The following LRRC75A variants were observed in gnomAD, a reference collection of about 807,000 sequenced individuals.
The protein encoded by LRRC75A is leucine rich repeat containing 75A, also known as leucine-rich repeat-containing protein 75A.
In LRRC75A, 12 loss-of-function variants were observed where a neutral mutation model predicts 26.0. The ratio of observed to expected loss-of-function variants is 0.46; its 90% CI spans 0.30 to 0.75. The LOEUF is 0.75. Ranked by LOEUF, LRRC75A falls within the 30% of genes least tolerant of loss-of-function variation. LRRC75A has a pLI of 0.08. For synonymous variants in LRRC75A, 223 were observed against 219.3 expected, an observed-to-expected ratio of 1.02 and a Z score of -0.15; for missense variants, 410 against 486.6, an observed-to-expected ratio of 0.84 and a Z score of 1.48.
rs1481853828 is a variant in LRRC75A at position 16,492,148 on chromosome 17, G to C, written c.-158C>G. ...CGCGGGGGCGGGCGGGCGGGCGGCTGTCGGCGCTCCCCGCGCTCCTCCCTC... is the reference window on the plus strand; with the variant it reads ...CGCGGGGGCGGGCGGGCGGGCGGCTCTCGGCGCTCCCCGCGCTCCTCCCTC... On this transcript the variant is annotated 5_prime_UTR_variant, in exon 1 of 4. Coordinates refer to ENST00000470794, the MANE Select transcript of LRRC75A (RefSeq NM_001113567.3). 55 of 505,324 alleles carry C rather than the reference G, an allele frequency of 1.1e-4. 1 individual carries two copies. The East Asian group carries it at 5.5e-3, about 50-fold the overall frequency. The allele number at this position is 505,324 out of a possible 1,614,324, so 31.3% of individuals were successfully genotyped here. A position where few individuals can be genotyped will look rare whatever the true frequency, so the allele number is the denominator to read the frequency against.
chr17:16,485,775 C>T (rs1346251168), intron 1 of LRRC75A, among the ~76,000 whole-genome samples: 2 of 151,972 alleles, frequency 1.3e-5, no homozygotes, highest in East Asian at 3.9e-4. Context: ...AGATGGCTGG[C>T]TGAGGATCCC....
chr17:16,471,610 A>T (rs887181255), intron 1 of LRRC75A, among the ~76,000 whole-genome samples: 3 of 152,218 alleles, frequency 2.0e-5, no homozygotes, highest in Non-Finnish European at 4.4e-5. Context: ...CTCTGTGGGT[A>T]CACTCTCCTT....
intron 3 of LRRC75A, chr17:16,447,023 T>G (rs2093592195): frequency 3.7e-6 from 1 of 268,300 alleles, no homozygotes; most frequent in African/African-American, 2.4e-5. Flanking sequence ...TTCCCCAGCC[T>G]GCAGGGACCT....
chr17:16,452,500 C>T (rs1036007916), intron 2 of LRRC75A, among the ~76,000 whole-genome samples: 3 of 151,550 alleles, frequency 2.0e-5, no homozygotes, highest in Non-Finnish European at 4.4e-5. Flanking sequence ...TGCAGTGGCG[C>T]GGTCTTGGCT....
At chr17:16,489,873 C>A (rs573884175) in intron 1 of LRRC75A, among the ~76,000 whole-genome samples, 132 of 152,292 alleles carry the variant, frequency 8.7e-4, no homozygotes, top group Non-Finnish European at 1.2e-3. Flanking sequence ...CTCCCACCCC[C>A]CCATCAGCCC....
intron 1 of LRRC75A, among the ~76,000 whole-genome samples, chr17:16,485,958 G>T (rs1223806054): frequency 6.6e-6 from 1 of 152,160 alleles, no homozygotes; most frequent in Admixed American, 6.5e-5. Flanking sequence ...TTACAGCGGG[G>T]TGGGGGAATA....
rs778298316 is a variant in LRRC75A at position 16,491,857 on chromosome 17, C to T, written c.134G>A (p.Gly45Asp). 1.5e-4 allele frequency: 206 copies of T among 1,392,558 alleles called. 4 individuals are homozygous for T. The South Asian group carries it at 3.0e-3, about 20-fold the overall frequency. The allele number at this position is 1,392,558 out of a possible 1,614,324, so 86.3% of individuals were successfully genotyped here. Reference sequence around the variant, plus strand: ...CCGGTGGTAGGGGGGCATCCCCGCGCCCGCGCGCCCCGCCTTGTCCCCGGC... The same window carrying T: ...CCGGTGGTAGGGGGGCATCCCCGCGTCCGCGCGCCCCGCCTTGTCCCCGGC... ...LRAGDKAGRA[G>D]AGMPPYHRRV... The change falls in exon 1 of 4, where the codon GGC becomes GAC. Residue 45 changes from glycine (G) to aspartate (D), a missense_variant. Physicochemically the swap from Gly to Asp is moderately conservative, Grantham distance 94. Transcript: ENST00000470794. This position sits in a 1 kb window ranked among gnomAD's most constrained non-coding sequence, Gnocchi z 5.9.
intron 2 of LRRC75A, chr17:16,448,309 G>T: frequency 3.0e-6 from 1 of 330,530 alleles, no homozygotes; most frequent in Non-Finnish European, 5.9e-6. Flanking sequence ...GCCGCTCTGT[G>T]CATTCTCTTG....
chr17:16,468,631 A>T (rs1360257953), intron 1 of LRRC75A, among the ~76,000 whole-genome samples: 2 of 152,270 alleles, frequency 1.3e-5, no homozygotes, highest in African/African-American at 4.8e-5. Flanking sequence ...TCTGGAGATC[A>T]GCTGCACAGT....
chr17:16,485,295 C>A (rs1417818488), intron 1 of LRRC75A, among the ~76,000 whole-genome samples: 1 of 152,202 alleles, frequency 6.6e-6, no homozygotes, highest in African/African-American at 2.4e-5. Flanking sequence ...TCCTAACCCC[C>A]AAGGTGATGG....
rs1249498626 is a variant in LRRC75A at position 16,491,695 on chromosome 17, A to G, written c.246+50T>C. ...AGGGATGGGGCGCCCCCCCCGGCCC[A>G]GCACGCCCCCTGGCCCGGCGCGCCC... On this transcript the variant is annotated intron_variant, in intron 1 of 3. Transcript: ENST00000470794. The surrounding 1 kb of genome is among the most constrained non-coding windows in gnomAD (Gnocchi z 5.9). The G allele has an allele frequency of 1.9e-6, 2 of 1,060,096 alleles. No individual in the cohort carries two copies. Among genetic ancestry groups the G allele is most frequent in the South Asian group, 2.6e-5 (1 of 38,298 alleles). 65.7% of individuals were successfully genotyped at this position (1,060,096 alleles called of 1,614,324 possible).
intron 2 of LRRC75A, among the ~76,000 whole-genome samples, chr17:16,449,016 G>C (rs542799308): frequency 6.6e-6 from 1 of 152,358 alleles, no homozygotes; most frequent in East Asian, 1.9e-4. Flanking sequence ...GTGCTGGACA[G>C]GGTGAGGGCA....
chr17:16,462,296 T>G lies in LRRC75A; in HGVS notation c.337A>C (p.Ile113Leu), dbSNP rs1176119298. The change falls in exon 2 of 4, where the codon ATC becomes CTC. Residue 113 changes from isoleucine to leucine, a missense_variant. Coordinates refer to ENST00000470794, the MANE Select transcript of LRRC75A (RefSeq NM_001113567.3). The surrounding 1 kb of genome is among the most constrained non-coding windows in gnomAD (Gnocchi z 4.6). ...TGGATGTAGCGTGCCAGGCTGATGA[T>G]GAGGTCGTGTGTGATGGGGTCCACC... is the stretch of plus-strand genomic sequence containing the variant. ...NLVDPITHDL[I>L]ISLARYIHCP... 1 of 1,614,044 alleles carries G rather than the reference T, an allele frequency of 6.2e-7. No homozygotes were observed. Among genetic ancestry groups the G allele is most frequent in the Non-Finnish European group, 8.5e-7 (1 of 1,179,972 alleles).
At chr17:16,489,837 G>C (rs2093853749) in intron 1 of LRRC75A, among the ~76,000 whole-genome samples, 1 of 152,164 alleles carries the variant, frequency 6.6e-6, no homozygotes, top group East Asian at 1.9e-4. Context: ...TGCTTTCACA[G>C]AAAAGGGGGA....
intron 2 of LRRC75A, among the ~76,000 whole-genome samples, chr17:16,448,650 G>T (rs1331138280): frequency 2.0e-5 from 3 of 152,194 alleles, no homozygotes; most frequent in Non-Finnish European, 4.4e-5. Context: ...TGGAGACAAG[G>T]CCTTTAAAGA....
At chr17:16,457,901 T>C (rs779131819) in intron 2 of LRRC75A, among the ~76,000 whole-genome samples, 43 of 151,940 alleles carry the variant, frequency 2.8e-4, no homozygotes, top group Admixed American at 7.2e-4. Context: ...TTGAGCCTAG[T>C]AGTTCCAGGC....
At position 16,466,851 on chromosome 17, in the gene LRRC75A, G is replaced by A. The variant is rs546191922; in HGVS notation, c.247-4465C>T. The stretch of plus-strand genomic sequence containing the variant: ...GAGATTTACACAGGGCAGTCAGAAT[G>A]GCATTTCTCAAAGTGTGGTCTGTAG... On this transcript the variant is annotated intron_variant, in intron 1 of 3. Coordinates refer to ENST00000470794, the MANE Select transcript of LRRC75A (RefSeq NM_001113567.3). 4.6e-5 allele frequency among the ~76,000 whole-genome samples: 7 copies of A among 152,328 alleles called. No homozygotes were observed. In the East Asian group the frequency reaches 1.3e-3, roughly 29 times the overall value.
intron 1 of LRRC75A, among the ~76,000 whole-genome samples, chr17:16,473,713 C>T (rs2093813020): frequency 6.6e-6 from 1 of 152,210 alleles, no homozygotes; most frequent in African/African-American, 2.4e-5. Flanking sequence ...CTGGTCCCAC[C>T]TGAGGGTCCA....
intron 2 of LRRC75A, among the ~76,000 whole-genome samples, chr17:16,459,055 A>G (rs192434261): frequency 2.6e-5 from 4 of 152,224 alleles, no homozygotes; most frequent in East Asian, 3.9e-4. Context: ...GGATGTCTCA[A>G]TGTCCCCTGT....
Sources: allele counts gnomAD v4.1 joint callset (sites outside exome capture counted in the v4.1 genomes callset), GRCh38; gene constraint gnomAD v4.1.1; non-coding constraint Gnocchi (gnomAD v3.1); transcripts MANE v1.5; gene names NCBI Gene and HGNC (gene_info 2026-07-23, HGNC 2026-07-21).